The following PTRH2 variants were observed in gnomAD, a reference collection of about 807,000 sequenced individuals.
The protein encoded by PTRH2 is peptidyl-tRNA hydrolase 2, also known as peptidyl-tRNA hydrolase 2, mitochondrial.
A neutral mutation model predicts 12.3 loss-of-function variants in PTRH2; 10 were observed. The ratio of observed to expected loss-of-function variants is 0.81; its 90% CI spans 0.50 to 1.38. The LOEUF (loss-of-function observed/expected upper bound fraction) is 1.38. PTRH2 is among the 40% of genes most tolerant of loss of function. PTRH2 has a pLI of 0.00. For synonymous variants in PTRH2, 73 were observed against 77.4 expected (o/e 0.94, Z 0.30); for missense variants, 176 against 214.1 (o/e 0.82, Z 1.11).
intron 1 of PTRH2, among the ~76,000 whole-genome samples, chr17:59,705,149 C>G (rs2033617229): frequency 6.6e-6 from 1 of 152,168 alleles, no homozygotes; most frequent in Non-Finnish European, 1.5e-5. Context: ...CAACCAGACT[C>G]CAAACTGAAC....
intron 1 of PTRH2, chr17:59,698,732 A>T: frequency 1.6e-6 from 1 of 607,802 alleles, no homozygotes; most frequent in Non-Finnish European, 2.9e-6. Context: ...AGCCTACCTT[A>T]AATGTGCTCA....
chr17:59,698,643 C>G (rs2033495617), intron 1 of PTRH2: 1 of 509,136 alleles, frequency 2.0e-6, no homozygotes, highest in East Asian at 3.3e-5. Flanking sequence ...GGGGTTATAT[C>G]CCAATTAACC....
At chr17:59,703,721 G>A (rs924870465) in intron 1 of PTRH2, among the ~76,000 whole-genome samples, 10 of 152,074 alleles carry the variant, frequency 6.6e-5, no homozygotes, top group Admixed American at 1.3e-4. Flanking sequence ...GGCCAGGCTG[G>A]TCTCAAACTC....
chr17:59,697,480 C>G lies in PTRH2; in HGVS notation c.499G>C (p.Asp167His). ...TGACCAGTGACTTTGTCAATTAGGT[C>G]TGCTGGTCCTGGCCCAATCCCTAGG... ...TVLGIGPGPA[D>H]LIDKVTGHLK... The change falls in exon 2 of 2, where the codon GAC becomes CAC. Residue 167 changes from aspartate to histidine, a missense_variant. Asp to His is a moderately conservative substitution (Grantham distance 81). Coordinates refer to ENST00000393038, the MANE Select transcript of PTRH2 (RefSeq NM_016077.5). The G allele has an allele frequency of 6.2e-7, 1 of 1,613,824 alleles. No homozygotes were observed. Among genetic ancestry groups the G allele is most frequent in the East Asian group, 2.2e-5 (1 of 44,872 alleles).
In PTRH2 at chr17:59,697,790, C is replaced by T; in HGVS notation, c.189G>A (p.Gly63=). The change falls in exon 2 of 2, where the codon GGG becomes GGA. Residue 63 remains glycine, a synonymous_variant. Transcript: ENST00000393038. ...ESEASILGDS[G]EYKMILVVRN... is the part of the protein sequence containing the mutation. ...GAACCACAAGAATCATCTTGTACTCCCCGCTGTCTCCCAAGATGCTTGCTT... is the reference window on the plus strand; with the variant it reads ...GAACCACAAGAATCATCTTGTACTCTCCGCTGTCTCCCAAGATGCTTGCTT... 3 of 1,614,184 alleles carry T rather than the reference C, an allele frequency of 1.9e-6. No homozygotes were observed. The highest frequency in any genetic ancestry group is 1.3e-5 in the African/African-American group (1 of 75,046).
intron 1 of PTRH2, chr17:59,699,150 TGC>T (rs79931696): frequency 0.91 from 377,395 of 412,998 alleles, 173,016 homozygotes; most frequent in East Asian, 1. Flanking sequence ...ATCCTGTATC[TGC>T]GCCTGTCAAC....
At chr17:59,702,015 T>C (rs1479624453) in intron 1 of PTRH2, among the ~76,000 whole-genome samples, 1 of 152,148 alleles carries the variant, frequency 6.6e-6, no homozygotes, top group Admixed American at 6.6e-5. Flanking sequence ...AAACTTTGTC[T>C]TTATAGCTCA....
At chr17:59,705,397 A>T (rs1598261664) in intron 1 of PTRH2, among the ~76,000 whole-genome samples, 1 of 152,104 alleles carries the variant, frequency 6.6e-6, no homozygotes, top group African/African-American at 2.4e-5. Context: ...AAATATGAGG[A>T]TCAAACAGAG....
intron 1 of PTRH2, among the ~76,000 whole-genome samples, chr17:59,705,402 A>G (rs750443257): frequency 1.3e-5 from 2 of 152,134 alleles, no homozygotes; most frequent in Non-Finnish European, 2.9e-5. Flanking sequence ...TGAGGATCAA[A>G]CAGAGAAGTT....
intron 1 of PTRH2, chr17:59,698,928 TAGAATTAA>T: frequency 1.4e-6 from 1 of 713,916 alleles, no homozygotes; most frequent in Non-Finnish European, 2.6e-6. Context: ...AGCACTGAAA[TAGAATTAA>T]TTGCTGGATG....
At chr17:59,705,411 T>A (rs1052962261) in intron 1 of PTRH2, among the ~76,000 whole-genome samples, 1 of 151,848 alleles carries the variant, frequency 6.6e-6, no homozygotes, top group African/African-American at 2.4e-5. Flanking sequence ...AACAGAGAAG[T>A]TGCCTTTTTC....
intron 1 of PTRH2, among the ~76,000 whole-genome samples, chr17:59,706,487 G>GT (rs1033134448): frequency 4.6e-5 from 7 of 151,362 alleles, no homozygotes; most frequent in Non-Finnish European, 1.0e-4. Flanking sequence ...ACCGCGCCGG[G>GT]TCTGCAGTTT....
intron 1 of PTRH2, among the ~76,000 whole-genome samples, chr17:59,702,182 A>G (rs1355932933): frequency 6.6e-6 from 1 of 152,192 alleles, no homozygotes; most frequent in Non-Finnish European, 1.5e-5. Flanking sequence ...CACCCTGTTA[A>G]GCTGAGGATA....
intron 1 of PTRH2, among the ~76,000 whole-genome samples, chr17:59,701,864 T>TC (rs2033560290): frequency 6.6e-6 from 1 of 151,122 alleles, no homozygotes. Context: ...GGCTAATTTT[T>TC]TTTTTTTTTT....
chr17:59,698,631 A>T, intron 1 of PTRH2: 1 of 478,598 alleles, frequency 2.1e-6, no homozygotes, highest in East Asian at 3.4e-5. Flanking sequence ...TCAATTTTCC[A>T]TGGGGTTATA....
intron 1 of PTRH2, among the ~76,000 whole-genome samples, chr17:59,702,914 C>T (rs556949049): frequency 5.3e-5 from 8 of 152,166 alleles, no homozygotes; most frequent in African/African-American, 1.4e-4. Context: ...ATGATTTTGC[C>T]CTATTGTACG....
At chr17:59,702,778 T>C (rs1323216933) in intron 1 of PTRH2, among the ~76,000 whole-genome samples, 1 of 152,242 alleles carries the variant, frequency 6.6e-6, no homozygotes, top group Non-Finnish European at 1.5e-5. Context: ...TTTTTGGCTT[T>C]ACAATGGTTC....
chr17:59,706,689 T>TC (rs1008133903), intron 1 of PTRH2, among the ~76,000 whole-genome samples: 7 of 125,840 alleles, frequency 5.6e-5, no homozygotes, highest in Non-Finnish European at 1.2e-4. Context: ...TTTTTTTTTT[T>TC]CTGAGACGAA....
At chr17:59,703,069 C>G (rs559586826) in intron 1 of PTRH2, among the ~76,000 whole-genome samples, 2 of 152,112 alleles carry the variant, frequency 1.3e-5, no homozygotes, top group African/African-American at 4.8e-5. Flanking sequence ...GGCTGGAATA[C>G]AGTGGAGTGA....
Sources: allele counts gnomAD v4.1 joint callset (sites outside exome capture counted in the v4.1 genomes callset), GRCh38; gene constraint gnomAD v4.1.1; transcripts MANE v1.5; gene names NCBI Gene and HGNC (gene_info 2026-07-23, HGNC 2026-07-21).